Variants in GPC5 observed in about 807,000 individuals in gnomAD.
The protein encoded by GPC5 is glypican-5.
Under a neutral mutation model 53.9 loss-of-function variants are expected in GPC5, and 47 were observed. The observed-to-expected ratio is 0.87, with a 90% confidence interval of 0.69 to 1.11. The LOEUF is 1.11. Ranked by LOEUF, GPC5 falls within the 50% of genes most tolerant of loss-of-function variation. The pLI, the probability that GPC5 is intolerant of heterozygous loss-of-function variation, is 0.00. For missense variants in GPC5, 748 were observed against 713.1 expected (o/e 1.05, Z -0.56); for synonymous variants, 286 against 263.3 (o/e 1.09, Z -0.84).
chr13:92,119,465 C>T (rs2041629090), intron 6 of GPC5, among the ~76,000 whole-genome samples: 1 of 128,680 alleles, frequency 7.8e-6, no homozygotes, highest in South Asian at 2.6e-4. Context: ...GTGGCGCGAT[C>T]TCGGCTCACT....
At chr13:91,712,942 G>A (rs920550544) in intron 3 of GPC5, among the ~76,000 whole-genome samples, 2 of 152,176 alleles carry the variant, frequency 1.3e-5, no homozygotes, top group Non-Finnish European at 2.9e-5. Flanking sequence ...TGTAATCCCA[G>A]CACTTTGGGA....
At chr13:91,813,132 T>C (rs900558600) in intron 5 of GPC5, among the ~76,000 whole-genome samples, 6 of 152,242 alleles carry the variant, frequency 3.9e-5, no homozygotes, top group African/African-American at 1.4e-4. Context: ...TATAAAGGTT[T>C]CTTTTGATCC....
intron 7 of GPC5, among the ~76,000 whole-genome samples, chr13:92,812,151 T>C (rs902633934): frequency 1.3e-5 from 2 of 151,932 alleles, no homozygotes; most frequent in African/African-American, 4.8e-5. Flanking sequence ...AAGAAGTGCA[T>C]TGAACCTATA....
At chr13:92,093,061 A>G (rs2138899315) in intron 6 of GPC5, among the ~76,000 whole-genome samples, 1 of 152,334 alleles carries the variant, frequency 6.6e-6, no homozygotes, top group South Asian at 2.1e-4. Context: ...AAAAAGCAAA[A>G]GGCTCAGAAA....
intron 6 of GPC5, among the ~76,000 whole-genome samples, chr13:91,970,809 A>G (rs550796281): frequency 6.6e-6 from 1 of 152,180 alleles, no homozygotes. Flanking sequence ...CATCCCAGGG[A>G]TGAAGCCCAC....
chr13:92,184,871 A>G (rs1188814284), intron 7 of GPC5, among the ~76,000 whole-genome samples: 2 of 152,320 alleles, frequency 1.3e-5, no homozygotes, highest in Admixed American at 1.3e-4. Flanking sequence ...ACCAAAACTA[A>G]ACAAAGAAAT....
At chr13:92,385,339 TATATATACATATATAC>T (rs1364713975) in intron 7 of GPC5, among the ~76,000 whole-genome samples, 1 of 115,192 alleles carries the variant, frequency 8.7e-6, no homozygotes, top group African/African-American at 3.3e-5. Context: ...CATATATACA[TATATATACATATATAC>T]ATATATACAT....
In GPC5 at chr13:92,681,723, G is replaced by T. The variant is rs546625159; in HGVS notation, c.1562-184559G>T. 5.9e-5 allele frequency among the ~76,000 whole-genome samples: 9 copies of T among 152,158 alleles called. 1 individual carries two copies. The South Asian group carries it at 1.9e-3, about 32-fold the overall frequency. On this transcript the variant is annotated intron_variant, in intron 7 of 7. Coordinates refer to ENST00000377067, the MANE Select transcript of GPC5 (RefSeq NM_004466.6). Reference sequence around the variant, plus strand: ...TACTCCACCCCTTGTTCTGAACAACGTGGTTCTGCTTTCATCTCTTCATAC... The same window carrying T: ...TACTCCACCCCTTGTTCTGAACAACTTGGTTCTGCTTTCATCTCTTCATAC...
chr13:92,568,114 A>G (rs960684318), intron 7 of GPC5, among the ~76,000 whole-genome samples: 22 of 152,066 alleles, frequency 1.4e-4, no homozygotes, highest in African/African-American at 5.3e-4. Context: ...TTGAGGCCAG[A>G]AGTTCGAGAC....
chr13:92,154,114 G>C (rs1166146014), intron 7 of GPC5, among the ~76,000 whole-genome samples: 1 of 152,144 alleles, frequency 6.6e-6, no homozygotes, highest in South Asian at 2.1e-4. Flanking sequence ...GGGAGACAAA[G>C]GGAGTGCCAG....
At chr13:91,757,052 A>T (rs2037310632) in intron 5 of GPC5, among the ~76,000 whole-genome samples, 1 of 151,954 alleles carries the variant, frequency 6.6e-6, no homozygotes, top group Non-Finnish European at 1.5e-5. Context: ...TTTCCTGCCT[A>T]TCTAGAATTT....
At chr13:92,709,158 T>C (rs989301512) in intron 7 of GPC5, among the ~76,000 whole-genome samples, 2 of 151,744 alleles carry the variant, frequency 1.3e-5, no homozygotes, top group African/African-American at 4.8e-5. Flanking sequence ...GTAATTCTCC[T>C]GCCTCAGCCT....
chr13:91,921,983 G>A (rs1221437518), intron 6 of GPC5, among the ~76,000 whole-genome samples: 1 of 151,848 alleles, frequency 6.6e-6, no homozygotes, highest in Non-Finnish European at 1.5e-5. Context: ...AAACCAAACA[G>A]AAACCAAAAC....
At chr13:91,928,460 T>C (rs1196598447) in intron 6 of GPC5, among the ~76,000 whole-genome samples, 1 of 152,128 alleles carries the variant, frequency 6.6e-6, no homozygotes, top group Non-Finnish European at 1.5e-5. Context: ...GATGTTTCAG[T>C]ATAGGAGGCC....
At chr13:92,525,375 A>G (rs1881231461) in intron 7 of GPC5, among the ~76,000 whole-genome samples, 1 of 151,706 alleles carries the variant, frequency 6.6e-6, no homozygotes, top group Non-Finnish European at 1.5e-5. Context: ...TCATTTGAAG[A>G]TACGATTTAA....
intron 2 of GPC5, among the ~76,000 whole-genome samples, chr13:91,449,840 A>G (rs1881064953): frequency 6.6e-6 from 1 of 152,108 alleles, no homozygotes; most frequent in African/African-American, 2.4e-5. Flanking sequence ...AGCTTAATTT[A>G]TTTTTCTTCT....
At chr13:92,545,851 T>A (rs1300607472) in intron 7 of GPC5, among the ~76,000 whole-genome samples, 1 of 152,158 alleles carries the variant, frequency 6.6e-6, no homozygotes, top group Non-Finnish European at 1.5e-5. Flanking sequence ...TTGCAAAAAT[T>A]TTCTCCCATT....
chr13:92,269,378 T>A (rs553036305), intron 7 of GPC5, among the ~76,000 whole-genome samples: 2,423 of 152,110 alleles, frequency 0.016, 56 homozygotes, highest in Non-Finnish European at 0.018. Flanking sequence ...GTAGCTTTAT[T>A]TTTTTAGACA....
intron 2 of GPC5, among the ~76,000 whole-genome samples, chr13:91,661,121 A>G (rs1206695408): frequency 6.6e-6 from 1 of 151,940 alleles, no homozygotes; most frequent in Non-Finnish European, 1.5e-5. Context: ...GGTCACCGAG[A>G]GAAGTATGGG....
Sources: allele counts gnomAD v4.1 joint callset (sites outside exome capture counted in the v4.1 genomes callset), GRCh38; gene constraint gnomAD v4.1.1; transcripts MANE v1.5; gene names NCBI Gene and HGNC (gene_info 2026-07-23, HGNC 2026-07-21).